PSG7: variants seen among roughly 807,000 people sequenced by gnomAD.
PSG7 encodes pregnancy-specific beta-1-glycoprotein 7.
Under a neutral mutation model 45.6 loss-of-function variants are expected in PSG7, and 57 were observed. That is an observed-to-expected ratio of 1.25 (90% CI 1.01 to 1.56). The LOEUF is 1.56. Ranked by LOEUF, PSG7 falls within the 40% of genes most tolerant of loss-of-function variation. The pLI, the probability that PSG7 is intolerant of heterozygous loss-of-function variation, is 0.00. For missense variants in PSG7, 796 were observed against 508.4 expected (o/e 1.57, Z -5.44); for synonymous variants, 298 against 194.4 (o/e 1.53, Z -4.43).
chr19:42,925,617 TC>T, intron 5 of PSG7, 155 bp downstream of exon 5: 1 of 1,499,642 alleles, frequency 6.7e-7, no homozygotes, highest in Non-Finnish European at 9.0e-7. Context: ...TTTTCGAAGT[TC>T]TTAGACAAAT....
intron 3 of PSG7, 194 bp from the exon 4 acceptor site, chr19:42,926,910 T>G: frequency 9.1e-7 from 1 of 1,101,902 alleles, no homozygotes; most frequent in Non-Finnish European, 1.3e-6. Flanking sequence ...CTGCTCAGTC[T>G]TAGGGAAGCA....
intron 3 of PSG7, chr19:42,927,518 C>T (rs1396786267): frequency 6.6e-6 from 1 of 151,604 alleles, no homozygotes. Context: ...TCCAGAAATA[C>T]ATGTGGACAT....
At chr19:42,927,246 G>A (rs976944259) in intron 3 of PSG7, 1 of 165,776 alleles carries the variant, frequency 6.0e-6, no homozygotes, top group South Asian at 1.6e-4. Flanking sequence ...AATAACACAG[G>A]GGAGACCATA....
intron 2 of PSG7, 98 bp from the exon 3 acceptor site, chr19:42,929,818 A>G: frequency 6.7e-7 from 1 of 1,485,480 alleles, no homozygotes; most frequent in Non-Finnish European, 9.1e-7. Flanking sequence ...CTCTCAGCCC[A>G]CCCAAGTCCT....
chr19:42,933,303 A>ATTTTTTTTTT (rs1418931958), intron 2 of PSG7, among the ~76,000 whole-genome samples: 3 of 14,842 alleles, frequency 2.0e-4, no homozygotes, highest in African/African-American at 3.5e-4. Context: ...ATATATATAT[A>ATTTTTTTTTT]TATATTTTTT....
rs550180319 is a variant in PSG7 at position 42,925,800 on chromosome 19, A to C, written c.1216T>G (p.Ser406Ala). Reference sequence around the variant, plus strand: ...GAGACTCTGACTGTCACGGATTTGGAGCTTTCCTTGCCAGTGGCTGAGTTA... The same window carrying C: ...GAGACTCTGACTGTCACGGATTTGGCGCTTTCCTTGCCAGTGGCTGAGTTA... ...VRNSATGKES[S>A]KSVTVRVSDW... The change falls in exon 5 of 6, where the codon TCC becomes GCC. Residue 406 changes from serine to alanine, a missense_variant. Ser to Ala is a moderately conservative substitution (Grantham distance 99). Transcript: ENST00000406070. 5.0e-5 allele frequency: 80 copies of C among 1,611,990 alleles called. 8 individuals are homozygous for C. In the East Asian group the frequency reaches 1.7e-3, roughly 34 times the overall value.
intron 1 of PSG7, 104 bp from the exon 2 acceptor site, chr19:42,935,873 G>GACACACACACACAC (rs60833164): frequency 2.3e-4 from 166 of 729,386 alleles, no homozygotes; most frequent in Non-Finnish European, 2.5e-4. Flanking sequence ...CAGCCTTGAA[G>GACACACACACACAC]ACACACACAC....
At chr19:42,926,805 T>C in intron 3 of PSG7, 89 bp from the exon 4 acceptor site, 3 of 1,559,176 alleles carry the variant, frequency 1.9e-6, no homozygotes, top group Admixed American at 3.5e-5. Flanking sequence ...ATCTCCCACC[T>C]GTCAACACGT....
chr19:42,929,947 G>A (rs893903340), intron 2 of PSG7, among the ~76,000 whole-genome samples: 2 of 151,496 alleles, frequency 1.3e-5, no homozygotes, highest in Non-Finnish European at 2.9e-5. Context: ...AGTGTGAATT[G>A]AGCAGCAGCA....
intron 2 of PSG7, among the ~76,000 whole-genome samples, 160 bp downstream of exon 2, chr19:42,935,244 T>G (rs552772835): frequency 3.3e-5 from 5 of 151,972 alleles, no homozygotes; most frequent in African/African-American, 1.2e-4. Flanking sequence ...CTGTTGAAAT[T>G]TGTCTCCTCT....
intron 2 of PSG7, among the ~76,000 whole-genome samples, chr19:42,933,200 C>A (rs1221358284): frequency 7.4e-6 from 1 of 135,304 alleles, no homozygotes; most frequent in Non-Finnish European, 1.6e-5. Flanking sequence ...TAATAATAAA[C>A]CTCTGTCCTC....
chr19:42,931,919 G>C (rs1240768952), intron 2 of PSG7, among the ~76,000 whole-genome samples: 1 of 151,436 alleles, frequency 6.6e-6, no homozygotes, highest in African/African-American at 2.4e-5. Context: ...GAACTTTCCT[G>C]TTTCAGTTTT....
intron 3 of PSG7, among the ~76,000 whole-genome samples, chr19:42,928,881 A>T (rs1382629356): frequency 3.3e-5 from 5 of 151,412 alleles, no homozygotes; most frequent in South Asian, 4.2e-4. Context: ...GTTTTAGTGA[A>T]TTGGGGTATA....
At chr19:42,936,952 A>G in intron 1 of PSG7, 61 bp downstream of exon 1, 1 of 1,597,196 alleles carries the variant, frequency 6.3e-7, no homozygotes, top group South Asian at 1.1e-5. Context: ...CCTCTCTAGG[A>G]GACCCCATCC....
rs782134922 is a variant in PSG7, at chr19:42,935,524, T to C, written c.310A>G (p.Asn104Asp). ...AYSGRETVYS[N>D]ASLLIQNVTQ... The stretch of plus-strand genomic sequence containing the variant: ...ACATTCTGGATCAGCAGGGATGCAT[T>C]GGAATATACTGTTTCTCGTCCACTG... Residue 104 changes from asparagine to aspartate, a missense_variant, in exon 2 of 6, where the codon AAT becomes GAT. Asn to Asp is a conservative substitution (Grantham distance 23). Coordinates refer to ENST00000406070, the MANE Select transcript of PSG7 (RefSeq NM_002783.3). The C allele has an allele frequency of 1.2e-6, 2 of 1,612,224 alleles. No homozygotes were observed. Among genetic ancestry groups the C allele is most frequent in the Non-Finnish European group, 1.7e-6 (2 of 1,179,040 alleles).
chr19:42,933,286 T>TATAC (rs60849134), intron 2 of PSG7, among the ~76,000 whole-genome samples: 6 of 10,354 alleles, frequency 5.8e-4, no homozygotes, highest in African/African-American at 1.3e-3. Flanking sequence ...TATATATATA[T>TATAC]ATATATATAT....
Position 42,929,636 on chromosome 19 carries a change from T to G in PSG7, c.515A>C (p.Glu172Ala), listed in dbSNP as rs766310636. 1 of 1,612,410 alleles carries G rather than the reference T, an allele frequency of 6.2e-7. No individual in the cohort carries two copies. Among genetic ancestry groups the G allele is most frequent in the Non-Finnish European group, 8.5e-7 (1 of 1,179,216 alleles). ...CCACAGGTAGCTTGCATCTGGAGTC[T>G]CAGGATCACAGGTTAAAATCACAGC... ...TEAVILTCDP[E>A]TPDASYLWWM... Residue 172 changes from glutamate to alanine, a missense_variant, in exon 3 of 6, where the codon GAG (glutamate) becomes GCG (alanine). Physicochemically the swap from Glu to Ala is moderately radical, Grantham distance 107. Coordinates refer to ENST00000406070, the MANE Select transcript of PSG7 (RefSeq NM_002783.3).
At chr19:42,925,664 G>T in intron 5 of PSG7, 109 bp downstream of exon 5, 2 of 1,581,864 alleles carry the variant, frequency 1.3e-6, no homozygotes. Context: ...GGATTTGCTT[G>T]TGCCCATGGG....
Position 42,935,848 on chromosome 19 carries a change from G to T in PSG7, c.65-79C>A. 13 of 1,421,792 alleles carry T rather than the reference G, an allele frequency of 9.1e-6. 1 individual carries two copies. The highest frequency in any genetic ancestry group is 2.8e-5 in the East Asian group (1 of 35,472). 88.1% of individuals were successfully genotyped at this position (1,421,792 alleles called of 1,614,324 possible). A position where few individuals can be genotyped will look rare whatever the true frequency, so the allele number is the denominator to read the frequency against. On this transcript the variant is annotated intron_variant, in intron 1 of 5. Transcript: ENST00000406070. ...AAGATGGGCCCCTGGGTCCTGAGAAGGTCTCTTCAATCCTCAGCCTTGAAG... is the reference window on the plus strand; with the variant it reads ...AAGATGGGCCCCTGGGTCCTGAGAATGTCTCTTCAATCCTCAGCCTTGAAG...
Sources: allele counts gnomAD v4.1 joint callset (sites outside exome capture counted in the v4.1 genomes callset), GRCh38; gene constraint gnomAD v4.1.1; transcripts MANE v1.5; gene names NCBI Gene and HGNC (gene_info 2026-07-23, HGNC 2026-07-21).